The following JAK3 variants were observed in gnomAD, a reference collection of about 807,000 sequenced individuals.
JAK3 encodes the protein Janus kinase 3.
In JAK3, 88 loss-of-function variants were observed where a neutral mutation model predicts 120.8. That is an observed-to-expected ratio of 0.73 (90% CI 0.61 to 0.87). The LOEUF (loss-of-function observed/expected upper bound fraction) is 0.87, where lower values mean the gene tolerates loss of function less well. JAK3 is among the 40% of genes least tolerant of loss of function. The pLI is 0.00. For missense variants in JAK3, 1,254 were observed against 1,501.4 expected, an observed-to-expected ratio of 0.84 and a Z score of 2.72; for synonymous variants, 592 against 628.6, an observed-to-expected ratio of 0.94 and a Z score of 0.87.
chr19:17,842,293 C>A lies in JAK3; in HGVS notation c.861+23G>T. 6.5e-7 allele frequency: 1 copy of A among 1,536,524 alleles called. No homozygotes were observed. Among genetic ancestry groups the A allele is most frequent in the Non-Finnish European group, 8.7e-7 (1 of 1,148,294 alleles). ...AGCCCCGCCCCCACGTTGGCCCCGCCCAGCGGGGGAGTCCGCCCTCACCTC... is the reference window on the plus strand; with the variant it reads ...AGCCCCGCCCCCACGTTGGCCCCGCACAGCGGGGGAGTCCGCCCTCACCTC... On this transcript the variant is annotated intron_variant, in intron 6 of 23. Transcript: ENST00000458235. The surrounding 1 kb of genome is among the most constrained non-coding windows in gnomAD (Gnocchi z 6.4).
intron 1 of JAK3, among the ~76,000 whole-genome samples, chr19:17,845,288 C>T (rs1431293354): frequency 6.6e-6 from 1 of 152,142 alleles, no homozygotes; most frequent in Non-Finnish European, 1.5e-5. Flanking sequence ...GTGCCTCAGC[C>T]ACCCCAGTAG....
intron 23 of JAK3, among the ~76,000 whole-genome samples, chr19:17,828,762 A>G (rs1245416582): frequency 6.6e-6 from 1 of 152,220 alleles, no homozygotes; most frequent in Non-Finnish European, 1.5e-5. Context: ...CCTGGCACAC[A>G]GTTGGCACTC....
rs1277683485 is a variant in JAK3, at chr19:17,835,151, G to A, written c.1979C>T (p.Ala660Val). Reference sequence around the variant, plus strand: ...CTTGATGAAGGGCGGGCTCCCATCAGCCCCCTCCCGAGCCAGGAGCACCTT... The same window carrying A: ...CTTGATGAAGGGCGGGCTCCCATCAACCCCCTCCCGAGCCAGGAGCACCTT... ...ARKVLLAREG[A>V]DGSPPFIKLS... is the part of the protein sequence containing the mutation. Residue 660 changes from alanine to valine, a missense_variant, in exon 15 of 24, where the codon GCT (alanine) becomes GTT (valine). Ala to Val is a moderately conservative substitution (Grantham distance 64, BLOSUM62 0). Around this residue, in one of 3 missense-constraint regions of JAK3, gnomAD observed 630 missense variants for 819.8 expected, o/e 0.77. Coordinates refer to ENST00000458235, the MANE Select transcript of JAK3 (RefSeq NM_000215.4). 3 of 1,614,098 alleles carry A rather than the reference G, an allele frequency of 1.9e-6. No individual in the cohort carries two copies. The African/African-American group carries it at 4.0e-5, about 22-fold the overall frequency.
rs767151572 is a variant in JAK3 at position 17,835,125 on chromosome 19, G to A, written c.2005C>T (p.Leu669=). The change falls in exon 15 of 24, where the codon CTG becomes TTG. Residue 669 remains leucine, a synonymous_variant. Transcript: ENST00000458235. The part of the protein sequence containing the change: ...GADGSPPFIK[L]SDPGVSPAVL... ...GCGGGGCTGACCCCAGGGTCACTCAGCTTGATGAAGGGCGGGCTCCCATCA... is the reference window on the plus strand; with the variant it reads ...GCGGGGCTGACCCCAGGGTCACTCAACTTGATGAAGGGCGGGCTCCCATCA... 3.1e-6 allele frequency: 5 copies of A among 1,614,210 alleles called. No individual in the cohort carries two copies. The South Asian group carries it at 4.4e-5, about 14-fold the overall frequency.
intron 10 of JAK3, 144 bp from the exon 11 acceptor site, chr19:17,838,534 G>T: frequency 1.1e-6 from 1 of 927,480 alleles, no homozygotes; most frequent in Non-Finnish European, 1.7e-6. Context: ...TTTTGTTGTT[G>T]TTTTTGTTTT....
In JAK3 at chr19:17,842,043, C is replaced by G. The variant is rs2094240603; in HGVS notation, c.861+273G>C. On this transcript the variant is annotated intron_variant, in intron 6 of 23. Transcript: ENST00000458235. This position sits in a 1 kb window ranked among gnomAD's most constrained non-coding sequence, Gnocchi z 6.4. Reference sequence around the variant, plus strand: ...GCCTCCCAGCTCTCGGAGCCTCACTCTGCCTCTTAGTCTTGCCTCGTTCCA... The same window carrying G: ...GCCTCCCAGCTCTCGGAGCCTCACTGTGCCTCTTAGTCTTGCCTCGTTCCA... 1.3e-5 allele frequency among the ~76,000 whole-genome samples: 2 copies of G among 152,060 alleles called. No homozygotes were observed. Among genetic ancestry groups the G allele is most frequent in the Admixed American group, 6.5e-5 (1 of 15,282 alleles).
chr19:17,835,130 A>G lies in JAK3; in HGVS notation c.2000T>C (p.Ile667Thr). 1 of 1,614,188 alleles carries G rather than the reference A, an allele frequency of 6.2e-7. No individual in the cohort carries two copies. Among genetic ancestry groups the G allele is most frequent in the Non-Finnish European group, 8.5e-7 (1 of 1,180,022 alleles). The change falls in exon 15 of 24, where the codon ATC becomes ACC. Residue 667 changes from isoleucine to threonine, a missense_variant. Around this residue, in one of 3 missense-constraint regions of JAK3, gnomAD observed 630 missense variants for 819.8 expected, o/e 0.77. Transcript: ENST00000458235. Reference sequence around the variant, plus strand: ...GCTGACCCCAGGGTCACTCAGCTTGATGAAGGGCGGGCTCCCATCAGCCCC... The same window carrying G: ...GCTGACCCCAGGGTCACTCAGCTTGGTGAAGGGCGGGCTCCCATCAGCCCC... The part of the protein sequence containing the change: ...REGADGSPPF[I>T]KLSDPGVSPA...
rs1000493604 is a variant in JAK3, at chr19:17,835,318, A to C, written c.1915-103T>G. 32 of 1,422,172 alleles carry C rather than the reference A, an allele frequency of 2.3e-5. No individual in the cohort carries two copies. The South Asian group carries it at 4.1e-4, about 18-fold the overall frequency. 88.1% of individuals were successfully genotyped at this position (1,422,172 alleles called of 1,614,324 possible). A position where few individuals can be genotyped will look rare whatever the true frequency, so the allele number is the denominator to read the frequency against. The stretch of plus-strand genomic sequence containing the variant: ...CTTCAAAACCCACTTGGTACTGCTC[A>C]GACATGCTCCAGCATCGTCCCTGAC... On this transcript the variant is annotated intron_variant, in intron 14 of 23. Coordinates refer to ENST00000458235, the MANE Select transcript of JAK3 (RefSeq NM_000215.4).
chr19:17,838,931 G>C (rs1404034430), intron 10 of JAK3, among the ~76,000 whole-genome samples: 1 of 151,850 alleles, frequency 6.6e-6, no homozygotes, highest in Non-Finnish European at 1.5e-5. Flanking sequence ...GGCCACGCTG[G>C]TCTCAAACTC....
rs945184245 is a variant in JAK3, at chr19:17,835,277, C to A, written c.1915-62G>T. The A allele has an allele frequency of 3.8e-6, 6 of 1,587,480 alleles. No homozygotes were observed. In the African/African-American group the frequency reaches 5.4e-5, roughly 14 times the overall value. ...TTTGATGAATGAAGAGTCTGTTTGG[C>A]AAACTCCTATACATCCTTCAAAACC... On this transcript the variant is annotated intron_variant, in intron 14 of 23. Coordinates refer to ENST00000458235, the MANE Select transcript of JAK3 (RefSeq NM_000215.4).
At chr19:17,830,785 C>G (rs1289966253) in intron 21 of JAK3, among the ~76,000 whole-genome samples, 165 bp from the exon 22 acceptor site, 1 of 146,582 alleles carries the variant, frequency 6.8e-6, no homozygotes, top group African/African-American at 2.5e-5. Context: ...GATTCTCCAG[C>G]CCTGGGAGGT....
At chr19:17,837,847 C>G in intron 12 of JAK3, 85 bp downstream of exon 12, 2 of 1,587,352 alleles carry the variant, frequency 1.3e-6, no homozygotes, top group Non-Finnish European at 1.7e-6. Flanking sequence ...CGCCCAGGTC[C>G]CTGTGTGTTT....
At position 17,835,245 on chromosome 19, in the gene JAK3, G is replaced by A. The variant is rs2072496; in HGVS notation, c.1915-30C>T. On this transcript the variant is annotated intron_variant, in intron 14 of 23. Transcript: ENST00000458235. Reference sequence around the variant, plus strand: ...GGGGGCCAGACACAGGAAAATGCCCGGGAGGGTTTGATGAATGAAGAGTCT... The same window carrying A: ...GGGGGCCAGACACAGGAAAATGCCCAGGAGGGTTTGATGAATGAAGAGTCT... 0.11 allele frequency: 176,280 copies of A among 1,609,508 alleles called. 10,585 individuals carry two copies. Among genetic ancestry groups the A allele is most frequent in the East Asian group, 0.26 (11,740 of 44,806 alleles).
intron 11 of JAK3, 63 bp from the exon 12 acceptor site, chr19:17,838,126 G>A: frequency 6.2e-7 from 1 of 1,613,090 alleles, no homozygotes; most frequent in Non-Finnish European, 8.5e-7. Context: ...CCCAGCCCAA[G>A]CGAGACATAG....
At chr19:17,836,075 G>A in intron 13 of JAK3, 24 bp from the exon 14 acceptor site, 1 of 1,612,424 alleles carries the variant, frequency 6.2e-7, no homozygotes, top group Non-Finnish European at 8.5e-7. Context: ...GGGAGAGGCG[G>A]GGTTGGGAGA....
In JAK3 at chr19:17,840,355, T is replaced by A. The variant is rs763396332; in HGVS notation, c.1143-14A>T. 6.4e-7 allele frequency: 1 copy of A among 1,551,014 alleles called. No individual in the cohort carries two copies. The highest frequency in any genetic ancestry group is 1.1e-5 in the South Asian group (1 of 89,548). The stretch of plus-strand genomic sequence containing the variant: ...GCAAAGTCCAGACTGTGGGGGAAGG[T>A]GAGAGGGAATGGGGAGGAGTCAGAG... On this transcript the variant is annotated splice_polypyrimidine_tract_variant and intron_variant, in intron 8 of 23. Transcript: ENST00000458235.
rs1202470458 is a variant in JAK3 at position 17,825,583 on chromosome 19, GAGC to G, written c.*1157_*1159del. The stretch of plus-strand genomic sequence containing the variant: ...TTCCTCCAGAGAAACAGAGATCGGG[GAGC>G]AGAAGTCAGATCATACATTTAAAGC... On this transcript the variant is annotated 3_prime_UTR_variant, in exon 24 of 24. Transcript: ENST00000458235. The G allele has an allele frequency of 5.2e-6, 1 of 190,528 alleles. No homozygotes were observed. The highest frequency in any genetic ancestry group is 1.1e-5 in the Non-Finnish European group (1 of 90,826). The allele number at this position is 190,528 out of a possible 1,614,324, so 11.8% of individuals were successfully genotyped here.
Position 17,826,515 on chromosome 19 carries a change from CAGAG to C in JAK3, c.*224_*227del, listed in dbSNP as rs3212801. On this transcript the variant is annotated 3_prime_UTR_variant, in exon 24 of 24. Coordinates refer to ENST00000458235, the MANE Select transcript of JAK3 (RefSeq NM_000215.4). ...TTCCTTGCTTCTTTGGGCCAGGACT[CAGAG>C]AGCCCCACTGACACATATGCCCATC... 0.12 allele frequency: 73,841 copies of C among 593,514 alleles called. 5,564 individuals carry two copies. The highest frequency in any genetic ancestry group is 0.27 in the African/African-American group (14,623 of 54,162). The allele number at this position is 593,514 out of a possible 1,614,324, so 36.8% of individuals were successfully genotyped here. A position where few individuals can be genotyped will look rare whatever the true frequency, so the allele number is the denominator to read the frequency against.
At chr19:17,838,510 C>T (rs1308344151) in intron 10 of JAK3, 120 bp from the exon 11 acceptor site, 6 of 1,067,308 alleles carry the variant, frequency 5.6e-6, no homozygotes, top group African/African-American at 1.6e-5. Flanking sequence ...ATGAAGACTT[C>T]AGGGCACATG....
Sources: allele counts gnomAD v4.1 joint callset (sites outside exome capture counted in the v4.1 genomes callset), GRCh38; gene constraint gnomAD v4.1.1; regional missense constraint gnomAD v4.1.1; non-coding constraint Gnocchi (gnomAD v3.1); transcripts MANE v1.5; gene names NCBI Gene and HGNC (gene_info 2026-07-23, HGNC 2026-07-21).